NIBAN3: variants seen among roughly 807,000 people sequenced by gnomAD.
The protein encoded by NIBAN3 is protein Niban 3.
A neutral mutation model predicts 76.4 loss-of-function variants in NIBAN3; 66 were observed. The ratio of observed to expected loss-of-function variants is 0.86; its 90% CI spans 0.71 to 1.06. The LOEUF is 1.06. Among genes scored for constraint, NIBAN3 ranks in the 50% least tolerant of loss-of-function variants. The pLI, the probability that NIBAN3 is intolerant of heterozygous loss-of-function variation, is 0.00. For synonymous variants in NIBAN3, 360 were observed against 355.2 expected, an observed-to-expected ratio of 1.01 and a Z score of -0.15; for missense variants, 808 against 810.7, an observed-to-expected ratio of 1.00 and a Z score of 0.04.
rs745346670 is a variant in NIBAN3 at position 17,542,190 on chromosome 19, C to T, written c.1225C>T (p.Arg409Cys). The T allele has an allele frequency of 8.1e-6, 13 of 1,613,992 alleles. No homozygotes were observed. The highest frequency in any genetic ancestry group is 1.3e-5 in the African/African-American group (1 of 74,900). Residue 409 changes from arginine to cysteine, a missense_variant, in exon 10 of 15, where the codon CGT becomes TGT. By Grantham distance (180) the Arg-to-Cys change is radical. Coordinates refer to ENST00000599164, the MANE Select transcript of NIBAN3 (RefSeq NM_001321827.2). The surrounding 1 kb of genome is among the most constrained non-coding windows in gnomAD (Gnocchi z 4.8). ...WDLALMQTCY[R>C]EAERSRGRLG... ...CTTGGCGCTGATGCAGACATGCTAC[C>T]GTGAGGCCGAGCGGAGCCGGGGGCG...
At chr19:17,533,757 G>A in intron 4 of NIBAN3, 56 bp downstream of exon 4, 2 of 1,304,788 alleles carry the variant, frequency 1.5e-6, no homozygotes, top group African/African-American at 1.5e-5. Context: ...TCATTAACAT[G>A]TGGGGCCAGA....
intron 3 of NIBAN3, 75 bp from the exon 4 acceptor site, chr19:17,533,512 C>G: frequency 1.0e-6 from 1 of 978,300 alleles, no homozygotes; most frequent in Non-Finnish European, 1.6e-6. Context: ...GAAATCTTCC[C>G]TTGATGGTAT....
At chr19:17,534,451 C>A (rs2075787400) in intron 4 of NIBAN3, among the ~76,000 whole-genome samples, 1 of 152,176 alleles carries the variant, frequency 6.6e-6, no homozygotes, top group South Asian at 2.1e-4. Context: ...GAGGAGACCT[C>A]ATGAGGCCAG....
chr19:17,549,149 A>T (rs78517698), intron 13 of NIBAN3, among the ~76,000 whole-genome samples: 2,145 of 152,234 alleles, frequency 0.014, 53 homozygotes, highest in African/African-American at 0.049. Context: ...GACCTCAATA[A>T]GTTTCTCTTC....
rs2075992403 is a variant in NIBAN3 at position 17,543,452 on chromosome 19, G to A, written c.1446+19G>A. 2 of 1,608,612 alleles carry A rather than the reference G, an allele frequency of 1.2e-6. No individual in the cohort carries two copies. Among genetic ancestry groups the A allele is most frequent in the Admixed American group, 1.7e-5 (1 of 60,008 alleles). On this transcript the variant is annotated intron_variant, in intron 11 of 14. Coordinates refer to ENST00000599164, the MANE Select transcript of NIBAN3 (RefSeq NM_001321827.2). ...GCTGAAGGTGTGTTCTGTGGGTACGGGGTGGCATGGGGTGGCAGTGGGCCT... is the reference window on the plus strand; with the variant it reads ...GCTGAAGGTGTGTTCTGTGGGTACGAGGTGGCATGGGGTGGCAGTGGGCCT...
At chr19:17,538,234 G>A (rs1468071554) in intron 5 of NIBAN3, among the ~76,000 whole-genome samples, 1 of 151,826 alleles carries the variant, frequency 6.6e-6, no homozygotes, top group Non-Finnish European at 1.5e-5. Flanking sequence ...CGCTAACACG[G>A]TGAAACCCCA....
chr19:17,555,208 G>T (rs1052277536), downstream of NIBAN3, among the ~76,000 whole-genome samples: 1 of 152,152 alleles, frequency 6.6e-6, no homozygotes, highest in Admixed American at 6.6e-5. Flanking sequence ...TGGACGTCAT[G>T]ACCTTTATTC....
chr19:17,532,032 TGAG>T (rs1231310325), intron 2 of NIBAN3, among the ~76,000 whole-genome samples: 1 of 152,200 alleles, frequency 6.6e-6, no homozygotes, highest in Non-Finnish European at 1.5e-5. Context: ...CAGTTGGGGC[TGAG>T]ATTTTTTGCC....
At position 17,546,689 on chromosome 19, in the gene NIBAN3, C is replaced by A; in HGVS notation, c.1558C>A (p.Leu520Met). 6.4e-7 allele frequency: 1 copy of A among 1,568,128 alleles called. No homozygotes were observed. Among genetic ancestry groups the A allele is most frequent in the Non-Finnish European group, 8.6e-7 (1 of 1,157,666 alleles). The change falls in exon 13 of 15, where the codon CTG becomes ATG. Residue 520 changes from leucine to methionine, a missense_variant. By Grantham distance (15) the Leu-to-Met change is conservative. Transcript: ENST00000599164. ...SQLEPGCKKE[L>M]PEFEGDVLAV... is the part of the protein sequence containing the mutation. Reference sequence around the variant, plus strand: ...CCCTAACCCGCCATGGTTCCAGGAGCTGCCTGAGTTCGAGGGGGATGTCCT... The same window carrying A: ...CCCTAACCCGCCATGGTTCCAGGAGATGCCTGAGTTCGAGGGGGATGTCCT...
intron 2 of NIBAN3, among the ~76,000 whole-genome samples, chr19:17,531,279 A>G (rs2075717125): frequency 6.6e-6 from 1 of 151,280 alleles, no homozygotes; most frequent in Non-Finnish European, 1.5e-5. Flanking sequence ...GTGAGCCCAG[A>G]TTGTGCCACT....
At chr19:17,533,914 G>T (rs1413355699) in intron 4 of NIBAN3, among the ~76,000 whole-genome samples, 2 of 152,282 alleles carry the variant, frequency 1.3e-5, no homozygotes, top group South Asian at 2.1e-4. Context: ...CCCGGGGGCA[G>T]CGTTGCTACG....
downstream of NIBAN3, among the ~76,000 whole-genome samples, chr19:17,555,153 C>A (rs909439427): frequency 6.6e-6 from 1 of 152,118 alleles, no homozygotes; most frequent in African/African-American, 2.4e-5. Context: ...CTGAGGCTCA[C>A]ATATAGCAAG....
At chr19:17,528,921 G>T (rs1047778653) in intron 1 of NIBAN3, among the ~76,000 whole-genome samples, 1 of 152,010 alleles carries the variant, frequency 6.6e-6, no homozygotes, top group African/African-American at 2.4e-5. Flanking sequence ...TTCCTTGAGG[G>T]TAGGGAAGAG....
intron 5 of NIBAN3, 102 bp from the exon 6 acceptor site, chr19:17,539,048 C>A: frequency 1.0e-6 from 1 of 962,040 alleles, no homozygotes. Flanking sequence ...ATGGGTGAGA[C>A]TTGGGTGTTG....
At chr19:17,543,705 C>T (rs1016971133) in intron 12 of NIBAN3, 74 bp downstream of exon 12, 8 of 1,323,318 alleles carry the variant, frequency 6.0e-6, no homozygotes, top group South Asian at 1.4e-5. Context: ...CAAGAATGCT[C>T]TTTGAGGCTG....
rs1234290671 is a variant in NIBAN3, at chr19:17,535,512, C to T, written c.427+1811C>T. On this transcript the variant is annotated intron_variant, in intron 4 of 14. Coordinates refer to ENST00000599164, the MANE Select transcript of NIBAN3 (RefSeq NM_001321827.2). ...CGGTGGCTCATGCCTGTAATCCCAG[C>T]ACTTTGGGAGGCCAAGGCGGGCAGA... is the stretch of plus-strand genomic sequence containing the variant. Among the ~76,000 whole-genome samples the T allele has an allele frequency of 2.6e-5, 4 of 152,086 alleles. No individual in the cohort carries two copies. In the East Asian group the frequency reaches 7.7e-4, roughly 29 times the overall value.
chr19:17,542,184 T>C lies in NIBAN3; in HGVS notation c.1219T>C (p.Cys407Arg). The C allele has an allele frequency of 6.2e-6, 10 of 1,614,168 alleles. No homozygotes were observed. The highest frequency in any genetic ancestry group is 8.5e-6 in the Non-Finnish European group (10 of 1,180,028). The change falls in exon 10 of 15, where the codon TGC becomes CGC. Residue 407 changes from cysteine (C) to arginine (R), a missense_variant. Transcript: ENST00000599164. The surrounding 1 kb of genome is among the most constrained non-coding windows in gnomAD (Gnocchi z 4.8). ...GTGGGACTTGGCGCTGATGCAGACA[T>C]GCTACCGTGAGGCCGAGCGGAGCCG... is the stretch of plus-strand genomic sequence containing the variant. ...MPWDLALMQT[C>R]YREAERSRGR...
intron 1 of NIBAN3, among the ~76,000 whole-genome samples, chr19:17,529,208 G>T (rs183984881): frequency 1.3e-5 from 2 of 152,074 alleles, no homozygotes; most frequent in Non-Finnish European, 2.9e-5. Context: ...TCATGGGGCT[G>T]GGGGGGCATT....
intron 13 of NIBAN3, among the ~76,000 whole-genome samples, chr19:17,549,088 A>T (rs1007563656): frequency 5.9e-5 from 9 of 152,206 alleles, no homozygotes; most frequent in Non-Finnish European, 1.2e-4. Context: ...AGAAGTTTTA[A>T]ATAGGAATAA....
Sources: gnomAD v4.1 joint callset for allele counts (sites outside exome capture counted in the v4.1 genomes callset) on GRCh38, gnomAD v4.1.1 for gene constraint, Gnocchi (gnomAD v3.1) non-coding constraint, MANE v1.5 for transcripts, NCBI Gene and HGNC (gene_info 2026-07-23, HGNC 2026-07-21) for gene names.